Variants in PRUNE2 observed in about 807,000 individuals in gnomAD.
PRUNE2 encodes the protein prune homolog 2 with BCH domain, also known as protein prune homolog 2.
In PRUNE2, 164 loss-of-function variants were observed where a neutral mutation model predicts 252.0. The ratio of observed to expected loss-of-function variants is 0.65; its 90% CI spans 0.57 to 0.74. The LOEUF (loss-of-function observed/expected upper bound fraction) is 0.74, where lower values mean the gene tolerates loss of function less well. Ranked by LOEUF, PRUNE2 falls within the 30% of genes least tolerant of loss-of-function variation. The pLI, the probability that PRUNE2 is intolerant of heterozygous loss-of-function variation, is 0.00. For synonymous variants in PRUNE2, 1,292 were observed against 1,350.2 expected (o/e 0.96, Z 0.94); for missense variants, 3,495 against 3,711.0 (o/e 0.94, Z 1.51).
chr9:76,787,875 T>C (rs890790703), intron 6 of PRUNE2, among the ~76,000 whole-genome samples: 1 of 152,120 alleles, frequency 6.6e-6, no homozygotes, highest in Non-Finnish European at 1.5e-5. Flanking sequence ...CCTCCCGACT[T>C]CCTCTCCTGT....
chr9:76,700,232 G>A (rs1271553903), intron 9 of PRUNE2: 1 of 152,220 alleles, frequency 6.6e-6, no homozygotes, highest in African/African-American at 2.4e-5. Flanking sequence ...TGAGGCTGAA[G>A]GAGGGGAGGG....
At chr9:76,774,458 T>TTTATTTATTTATTTATTTA (rs2053499577) in intron 6 of PRUNE2, among the ~76,000 whole-genome samples, 392 of 33,284 alleles carry the variant, frequency 0.012, 8 homozygotes, top group African/African-American at 0.1. Context: ...CCCTTTTTTT[T>TTTATTTATTTATTTATTTA]TTTTTTTTTT....
chr9:76,730,871 C>A (rs1330739907), intron 6 of PRUNE2, among the ~76,000 whole-genome samples: 1 of 152,160 alleles, frequency 6.6e-6, no homozygotes, highest in Non-Finnish European at 1.5e-5. Flanking sequence ...CCACTGCACT[C>A]CAGCCTGGCG....
chr9:76,705,270 C>A lies in PRUNE2; in HGVS notation c.7004G>T (p.Gly2335Val). ...GCAGATATCTTGCTTCCCTAGGTCC[C>A]CATCAACTGGCGTTTCCGGATGGCC... is the stretch of plus-strand genomic sequence containing the variant. ...SEGHPETPVD[G>V]DLGKQDICSS... Residue 2335 changes from glycine to valine, a missense_variant, in exon 8 of 19, where the codon GGG becomes GTG. Gly to Val is a moderately radical substitution (Grantham distance 109). Coordinates refer to ENST00000376718, the MANE Select transcript of PRUNE2 (RefSeq NM_015225.3). The A allele has an allele frequency of 6.2e-7, 1 of 1,614,034 alleles. No homozygotes were observed. Among genetic ancestry groups the A allele is most frequent in the Non-Finnish European group, 8.5e-7 (1 of 1,179,892 alleles).
chr9:76,855,929 T>A (rs58424360), intron 1 of PRUNE2, among the ~76,000 whole-genome samples: 1 of 152,044 alleles, frequency 6.6e-6, no homozygotes, highest in African/African-American at 2.4e-5. Context: ...AATGTCAGAC[T>A]GCTTCCCCTG....
At chr9:76,622,601 G>A (rs1198758949) in intron 17 of PRUNE2, among the ~76,000 whole-genome samples, 2 of 152,162 alleles carry the variant, frequency 1.3e-5, no homozygotes. Flanking sequence ...ATCTGAAAGA[G>A]AACTCTCACT....
At chr9:76,618,549 C>T (rs1305163503) in intron 18 of PRUNE2, among the ~76,000 whole-genome samples, 3 of 152,164 alleles carry the variant, frequency 2.0e-5, no homozygotes, top group African/African-American at 4.8e-5. Context: ...GCCACTAATT[C>T]GCTCTGTTCT....
chr9:76,799,923 C>T (rs1000825536), intron 6 of PRUNE2, among the ~76,000 whole-genome samples: 7 of 152,110 alleles, frequency 4.6e-5, no homozygotes, highest in African/African-American at 1.7e-4. Context: ...GAAAAAGAGG[C>T]TGTGAGACCC....
chr9:76,636,924 C>G (rs539123765), intron 14 of PRUNE2, among the ~76,000 whole-genome samples: 8 of 151,750 alleles, frequency 5.3e-5, no homozygotes, highest in South Asian at 2.1e-4. Context: ...CCACTGCACT[C>G]CAGCCTAGGC....
chr9:76,763,638 C>T (rs2051986504), intron 6 of PRUNE2, among the ~76,000 whole-genome samples: 1 of 152,196 alleles, frequency 6.6e-6, no homozygotes, highest in South Asian at 2.1e-4. Context: ...CCTTGCCTCT[C>T]CTGTGCTCTC....
At chr9:76,847,558 T>G (rs2059736026) in intron 3 of PRUNE2, among the ~76,000 whole-genome samples, 1 of 152,132 alleles carries the variant, frequency 6.6e-6, no homozygotes, top group Non-Finnish European at 1.5e-5. Context: ...GTGAGTAGAC[T>G]AGCCAATAAC....
intron 6 of PRUNE2, among the ~76,000 whole-genome samples, chr9:76,732,412 T>G: frequency 6.6e-6 from 1 of 152,268 alleles, no homozygotes; most frequent in East Asian, 1.9e-4. Context: ...CTAGAACCTC[T>G]GAGAAATCTG....
intron 1 of PRUNE2, among the ~76,000 whole-genome samples, chr9:76,894,788 G>GGT (rs1474035461): frequency 6.6e-6 from 1 of 151,020 alleles, no homozygotes; most frequent in East Asian, 1.9e-4. Flanking sequence ...GGGAGGCTGA[G>GGT]GTGGGTGGAT....
chr9:76,697,629 C>T lies in PRUNE2; in HGVS notation c.8276+5708G>A, dbSNP rs1477857384. ...CTTTATGTGCCTTTCAACGAGATAA[C>T]GGGAGAACAGGAATGAAAACATCAA... On this transcript the variant is annotated intron_variant, in intron 9 of 18. Transcript: ENST00000376718. 3.9e-5 allele frequency among the ~76,000 whole-genome samples: 6 copies of T among 152,272 alleles called. No homozygotes were observed. In the South Asian group the frequency reaches 6.2e-4, roughly 16 times the overall value.
chr9:76,831,552 G>C (rs372685845), intron 4 of PRUNE2, among the ~76,000 whole-genome samples: 1 of 151,964 alleles, frequency 6.6e-6, no homozygotes, highest in Non-Finnish European at 1.5e-5. Context: ...GAGAGGCTAA[G>C]TAGAGAGAAG....
chr9:76,761,077 C>T (rs1462114963), intron 6 of PRUNE2, among the ~76,000 whole-genome samples: 2 of 124,202 alleles, frequency 1.6e-5, no homozygotes, highest in African/African-American at 6.5e-5. Context: ...CAGACTGAGA[C>T]TCTGTCTCAA....
At chr9:76,794,042 G>GT (rs1478389418) in intron 6 of PRUNE2, among the ~76,000 whole-genome samples, 10 of 152,046 alleles carry the variant, frequency 6.6e-5, no homozygotes, top group South Asian at 2.1e-4. Context: ...AGCCAAGCAG[G>GT]TTTTTTTTAT....
At chr9:76,773,562 G>GCCT (rs1383606713) in intron 6 of PRUNE2, among the ~76,000 whole-genome samples, 2 of 150,812 alleles carry the variant, frequency 1.3e-5, no homozygotes, top group Admixed American at 1.3e-4. Context: ...TCCTGCCTTA[G>GCCT]CCTCCTGAGT....
At position 76,706,897 on chromosome 9, in the gene PRUNE2, C is replaced by T; in HGVS notation, c.5377G>A (p.Gly1793Arg). 1 of 1,599,480 alleles carries T rather than the reference C, an allele frequency of 6.3e-7. No homozygotes were observed. The highest frequency in any genetic ancestry group is 1.3e-5 in the African/African-American group (1 of 74,362). The change falls in exon 8 of 19, where the codon GGG (glycine) becomes AGG (arginine). Residue 1793 changes from glycine to arginine, a missense_variant. Physicochemically the swap from Gly to Arg is moderately radical, Grantham distance 125 (BLOSUM62 -2). Transcript: ENST00000376718. ...EKEKRSSPET[G>R]TTGDVAWQIS... Reference sequence around the variant, plus strand: ...TGCCATGCAACATCTCCTGTTGTCCCTGTTTCTGGAGAAGATCTCTTCTCC... The same window carrying T: ...TGCCATGCAACATCTCCTGTTGTCCTTGTTTCTGGAGAAGATCTCTTCTCC...
Sources: allele counts gnomAD v4.1 joint callset (sites outside exome capture counted in the v4.1 genomes callset), GRCh38; gene constraint gnomAD v4.1.1; transcripts MANE v1.5; gene names NCBI Gene and HGNC (gene_info 2026-07-23, HGNC 2026-07-21).